Variants in PDZRN4 observed in about 807,000 individuals in gnomAD.
PDZRN4 encodes PDZ domain containing ring finger 4, also known as PDZ domain-containing RING finger protein 4.
A neutral mutation model predicts 99.0 loss-of-function variants in PDZRN4; 70 were observed. The ratio of observed to expected loss-of-function variants is 0.71; its 90% confidence interval spans 0.58 to 0.86. The LOEUF (loss-of-function observed/expected upper bound fraction) is 0.86, where lower values mean the gene tolerates loss of function less well. Ranked by LOEUF, PDZRN4 falls within the 40% of genes least tolerant of loss-of-function variation. The probability of loss-of-function intolerance (pLI) is 0.00; values close to 1 mark genes in which losing one functional copy is unlikely to be tolerated. For synonymous variants in PDZRN4, 551 were observed against 501.6 expected (o/e 1.10, Z -1.32); for missense variants, 1,474 against 1,331.2 (o/e 1.11, Z -1.67).
At chr12:41,470,867 G>A (rs952100533) in intron 3 of PDZRN4, among the ~76,000 whole-genome samples, 2 of 152,100 alleles carry the variant, frequency 1.3e-5, no homozygotes, top group Non-Finnish European at 2.9e-5. Context: ...AGCACCCTCC[G>A]CCACAGCCCC....
At chr12:41,486,983 C>A (rs1937788496) in intron 3 of PDZRN4, among the ~76,000 whole-genome samples, 1 of 151,154 alleles carries the variant, frequency 6.6e-6, no homozygotes, top group South Asian at 2.1e-4. Context: ...ATGTCTAGCA[C>A]CATCTCAGTG....
At chr12:41,454,939 A>G (rs1952805800) in intron 3 of PDZRN4, among the ~76,000 whole-genome samples, 1 of 152,240 alleles carries the variant, frequency 6.6e-6, no homozygotes, top group African/African-American at 2.4e-5. Flanking sequence ...CAGTTGAAGT[A>G]TGGCTGGTAT....
intron 5 of PDZRN4, among the ~76,000 whole-genome samples, chr12:41,547,685 A>G (rs929233254): frequency 6.6e-6 from 1 of 152,098 alleles, no homozygotes; most frequent in African/African-American, 2.4e-5. Context: ...CACTTACTTC[A>G]ATTTATGTTT....
At chr12:41,445,650 T>A (rs1342960070) in intron 3 of PDZRN4, among the ~76,000 whole-genome samples, 2 of 149,488 alleles carry the variant, frequency 1.3e-5, no homozygotes, top group Non-Finnish European at 3.0e-5. Flanking sequence ...TTTATGAAGA[T>A]TCTATACTCT....
At position 41,361,575 on chromosome 12, in the gene PDZRN4, C is replaced by A. The variant is rs1405699008; in HGVS notation, c.844-144881C>A. On this transcript the variant is annotated intron_variant, in intron 3 of 9. Transcript: ENST00000402685. ...TTCTGCATATTGCCACAATTTGAGG[C>A]CATATGGATCATAAACTTTTCTATT... Among the ~76,000 whole-genome samples the A allele has an allele frequency of 2.6e-5, 4 of 151,998 alleles. No homozygotes were observed. In the East Asian group the frequency reaches 5.8e-4, roughly 22 times the overall value.
chr12:41,295,177 A>G (rs1158185030), intron 3 of PDZRN4, among the ~76,000 whole-genome samples: 1 of 152,128 alleles, frequency 6.6e-6, no homozygotes, highest in Non-Finnish European at 1.5e-5. Context: ...AGAACTTCAG[A>G]AGTTTATCTT....
chr12:41,436,202 T>C (rs1009644512), intron 3 of PDZRN4, among the ~76,000 whole-genome samples: 1 of 152,184 alleles, frequency 6.6e-6, no homozygotes, highest in South Asian at 2.1e-4. Flanking sequence ...GATGCCACTT[T>C]CATGTAGGTC....
intron 9 of PDZRN4, among the ~76,000 whole-genome samples, chr12:41,570,770 C>G (rs1249941002): frequency 1.3e-5 from 2 of 152,118 alleles, no homozygotes; most frequent in South Asian, 2.1e-4. Flanking sequence ...AAGTCACAGC[C>G]TAGGGATGCA....
In PDZRN4 at chr12:41,346,685, A is replaced by G. The variant is rs79427279; in HGVS notation, c.843+152497A>G. Among the ~76,000 whole-genome samples, 264 of 152,252 alleles carry G rather than the reference A, an allele frequency of 1.7e-3. 2 individuals carry two copies. The highest frequency in any genetic ancestry group is 6.0e-3 in the African/African-American group (251 of 41,550). ...AACCAAAAGCTTGATGGTGGATGGT[A>G]CTAAATAATTTTTTTAAGTATGCAA... is the stretch of plus-strand genomic sequence containing the variant. On this transcript the variant is annotated intron_variant, in intron 3 of 9. Coordinates refer to ENST00000402685, the MANE Select transcript of PDZRN4 (RefSeq NM_001164595.2).
intron 3 of PDZRN4, among the ~76,000 whole-genome samples, chr12:41,323,349 T>A (rs1410352103): frequency 6.6e-6 from 1 of 152,124 alleles, no homozygotes; most frequent in Non-Finnish European, 1.5e-5. Flanking sequence ...TAGTAATATA[T>A]GAAAATATTG....
At chr12:41,298,634 T>C (rs193166000) in intron 3 of PDZRN4, among the ~76,000 whole-genome samples, 9 of 152,256 alleles carry the variant, frequency 5.9e-5, no homozygotes, top group Non-Finnish European at 1.3e-4. Flanking sequence ...TAGAATGAAG[T>C]TCAATGTATA....
chr12:41,443,826 T>C (rs1169140999), intron 3 of PDZRN4, among the ~76,000 whole-genome samples: 1 of 152,110 alleles, frequency 6.6e-6, no homozygotes, highest in Non-Finnish European at 1.5e-5. Flanking sequence ...TTGATTTCAT[T>C]TGCAGGATAT....
chr12:41,396,485 G>A (rs1227388612), intron 3 of PDZRN4, among the ~76,000 whole-genome samples: 1 of 152,112 alleles, frequency 6.6e-6, no homozygotes, highest in African/African-American at 2.4e-5. Context: ...CTATTATTGT[G>A]TAGCAAATTA....
intron 3 of PDZRN4, among the ~76,000 whole-genome samples, chr12:41,360,877 G>T (rs1473908740): frequency 6.6e-6 from 1 of 151,740 alleles, no homozygotes; most frequent in Non-Finnish European, 1.5e-5. Context: ...TTATTGCAGG[G>T]TTACCAAATT....
intron 3 of PDZRN4, among the ~76,000 whole-genome samples, chr12:41,394,794 AGAGT>A (rs1333443548): frequency 2.0e-5 from 3 of 151,808 alleles, no homozygotes; most frequent in African/African-American, 7.3e-5. Flanking sequence ...AGAGAGAGAG[AGAGT>A]GAGTGAATGA....
intron 3 of PDZRN4, among the ~76,000 whole-genome samples, chr12:41,276,299 G>T (rs1296909573): frequency 2.0e-5 from 3 of 152,150 alleles, no homozygotes; most frequent in African/African-American, 7.2e-5. Context: ...ATACAAGAAA[G>T]CAGAAACCAT....
chr12:41,515,150 G>C (rs934522834), intron 5 of PDZRN4, among the ~76,000 whole-genome samples: 6 of 152,002 alleles, frequency 3.9e-5, no homozygotes, highest in Non-Finnish European at 8.8e-5. Flanking sequence ...CTCTGATCTT[G>C]AGAGAGGCAA....
Position 41,569,443 on chromosome 12 carries a change from TG to T in PDZRN4, c.1584+1548del, listed in dbSNP as rs1321471852. Among the ~76,000 whole-genome samples the T allele has an allele frequency of 1.1e-4, 17 of 151,922 alleles. No individual in the cohort carries two copies. The East Asian group carries it at 3.3e-3, about 30-fold the overall frequency. On this transcript the variant is annotated intron_variant, in intron 9 of 9. Coordinates refer to ENST00000402685, the MANE Select transcript of PDZRN4 (RefSeq NM_001164595.2). Reference sequence around the variant, plus strand: ...CTAATTTTTGTATTTTTAGTAGAGATGGGGTTTCACCATGTTGACCAGGCTG... The same window carrying T: ...CTAATTTTTGTATTTTTAGTAGAGATGGGTTTCACCATGTTGACCAGGCTG...
At position 41,573,520 on chromosome 12, in the gene PDZRN4, G is replaced by A. The variant is rs745475721; in HGVS notation, c.2741G>A (p.Arg914His). The change falls in exon 10 of 10, where the codon CGT becomes CAT. Residue 914 changes from arginine to histidine, a missense_variant. Transcript: ENST00000402685. ...GTGCGAGACCGAATCCTGAAGGAAC[G>A]TGCCTTAAAGATCAAGGAAGAGCGG... ...RPVRDRILKE[R>H]ALKIKEERSG... 2 of 1,613,832 alleles carry A rather than the reference G, an allele frequency of 1.2e-6. No homozygotes were observed. The highest frequency in any genetic ancestry group is 1.7e-6 in the Non-Finnish European group (2 of 1,179,994).
Sources: gnomAD v4.1 joint callset for allele counts (sites outside exome capture counted in the v4.1 genomes callset) on GRCh38, gnomAD v4.1.1 for gene constraint, MANE v1.5 for transcripts, NCBI Gene and HGNC (gene_info 2026-07-23, HGNC 2026-07-21) for gene names.